Variants in CADPS observed in about 807,000 individuals in gnomAD.
CADPS encodes calcium-dependent secretion activator 1.
CADPS carries 57 observed loss-of-function variants against 167.3 expected under a neutral mutation model. The observed-to-expected ratio is 0.34, with a 90% CI of 0.28 to 0.42. CADPS has a LOEUF of 0.42. Ranked by LOEUF, CADPS falls within the 20% of genes least tolerant of loss-of-function variation. The pLI is 1.00. For missense variants in CADPS, 1,414 were observed against 1,738.1 expected, an observed-to-expected ratio of 0.81 and a Z score of 3.32; for synonymous variants, 676 against 635.3, an observed-to-expected ratio of 1.06 and a Z score of -0.96.
chr3:62,630,888 G>T (rs1040819926), intron 6 of CADPS, among the ~76,000 whole-genome samples: 3 of 152,112 alleles, frequency 2.0e-5, no homozygotes, highest in African/African-American at 7.2e-5. Flanking sequence ...GACAACCAAG[G>T]TTTAGAATTA....
chr3:62,579,056 CTG>C (rs2082878699), intron 8 of CADPS, among the ~76,000 whole-genome samples: 1 of 152,194 alleles, frequency 6.6e-6, no homozygotes. Context: ...GTGTTACAAA[CTG>C]TATTCCTTTT....
chr3:62,413,063 G>T (rs956413940), intron 28 of CADPS, among the ~76,000 whole-genome samples: 1 of 152,066 alleles, frequency 6.6e-6, no homozygotes, highest in African/African-American at 2.4e-5. Context: ...TGCTGGAAAT[G>T]GTGTACCATC....
intron 1 of CADPS, among the ~76,000 whole-genome samples, chr3:62,862,149 A>T (rs1160800542): frequency 6.6e-6 from 1 of 152,098 alleles, no homozygotes; most frequent in African/African-American, 2.4e-5. Context: ...TGACTTCCAA[A>T]CACATATTGA....
chr3:62,474,163 T>TTTTTTTTTTTTTTC lies in CADPS; in HGVS notation c.3477+9_3477+10insGAAAAAAAAAAAAA, dbSNP rs755374403. 7.1e-6 allele frequency: 10 copies of TTTTTTTTTTTTTTC among 1,401,950 alleles called. No homozygotes were observed. The African/African-American group carries it at 1.4e-4, about 20-fold the overall frequency. 86.8% of individuals were successfully genotyped at this position (1,401,950 alleles called of 1,614,324 possible). On this transcript the variant is annotated intron_variant, in intron 24 of 29. Coordinates refer to ENST00000383710, the MANE Select transcript of CADPS (RefSeq NM_003716.4). ...GAAAAAAAAATCTGTATTTTTTTTT[T>TTTTTTTTTTTTTTC]TTTTTTTACCTCTTGGCCCATTTCC...
At chr3:62,536,605 G>A in intron 11 of CADPS, 24 bp from the exon 12 acceptor site, 1 of 1,607,444 alleles carries the variant, frequency 6.2e-7, no homozygotes, top group Non-Finnish European at 8.5e-7. Context: ...CATGTAGAGA[G>A]AGACACAATT....
chr3:62,629,596 G>A (rs2064850889), intron 6 of CADPS, among the ~76,000 whole-genome samples: 1 of 152,152 alleles, frequency 6.6e-6, no homozygotes, highest in South Asian at 2.1e-4. Flanking sequence ...TTCCCACAAA[G>A]TAACCACCAC....
At chr3:62,718,539 T>A (rs1412585636) in intron 3 of CADPS, among the ~76,000 whole-genome samples, 1 of 152,204 alleles carries the variant, frequency 6.6e-6, no homozygotes, top group Non-Finnish European at 1.5e-5. Context: ...AGAATGCCAG[T>A]TGGAGAATCC....
chr3:62,545,447 T>C (rs1396265027), intron 11 of CADPS, among the ~76,000 whole-genome samples: 2 of 152,060 alleles, frequency 1.3e-5, no homozygotes, highest in Admixed American at 6.6e-5. Flanking sequence ...AAACATTGTA[T>C]AGCTAGGTGC....
intron 3 of CADPS, among the ~76,000 whole-genome samples, chr3:62,720,285 A>C (rs1481796905): frequency 6.6e-6 from 1 of 152,078 alleles, no homozygotes; most frequent in Non-Finnish European, 1.5e-5. Context: ...TCAACTTCAC[A>C]AGAATGCAGG....
At chr3:62,523,418 G>A (rs1259419676) in intron 13 of CADPS, among the ~76,000 whole-genome samples, 1 of 152,156 alleles carries the variant, frequency 6.6e-6, no homozygotes, top group Non-Finnish European at 1.5e-5. Context: ...AATGTGTTTT[G>A]TGAAATGAAT....
chr3:62,487,992 G>A (rs377763397), intron 21 of CADPS, among the ~76,000 whole-genome samples: 1 of 151,948 alleles, frequency 6.6e-6, no homozygotes, highest in Non-Finnish European at 1.5e-5. Flanking sequence ...TACTTATAAC[G>A]AGGTGCTTAT....
At position 62,421,401 on chromosome 3, in the gene CADPS, C is replaced by A. The variant is rs2051358467; in HGVS notation, c.3777+16703G>T. On this transcript the variant is annotated intron_variant, in intron 28 of 29. Transcript: ENST00000383710. The surrounding 1 kb of genome is among the most constrained non-coding windows in gnomAD (Gnocchi z 4.7). ...AAGTTGAATGGAGTGTCTTTTGGGA[C>A]CAATTTGTCTCTTTTCACTCTTTAT... Among the ~76,000 whole-genome samples the A allele has an allele frequency of 6.6e-6, 1 of 152,172 alleles. No homozygotes were observed. The highest frequency in any genetic ancestry group is 2.4e-5 in the African/African-American group (1 of 41,454).
At chr3:62,863,781 G>A (rs1396825927) in intron 1 of CADPS, among the ~76,000 whole-genome samples, 1 of 152,188 alleles carries the variant, frequency 6.6e-6, no homozygotes, top group Non-Finnish European at 1.5e-5. Context: ...ATTCTTTGGT[G>A]GTGAGGATGA....
intron 3 of CADPS, among the ~76,000 whole-genome samples, chr3:62,685,550 A>G (rs982205331): frequency 1.3e-5 from 2 of 151,990 alleles, no homozygotes; most frequent in African/African-American, 4.8e-5. Context: ...ATAGCTAGAA[A>G]GTGGTGGAGT....
intron 1 of CADPS, chr3:62,796,480 C>G (rs2093413459): frequency 6.6e-6 from 1 of 152,072 alleles, no homozygotes; most frequent in East Asian, 1.9e-4. Flanking sequence ...TGAATGGCAG[C>G]AATTTGCACC....
At chr3:62,405,142 G>T (rs867124898) in intron 28 of CADPS, among the ~76,000 whole-genome samples, 7 of 150,286 alleles carry the variant, frequency 4.7e-5, no homozygotes, top group Non-Finnish European at 1.0e-4. Flanking sequence ...AATCTGGGGG[G>T]GGGGGGGGCT....
chr3:62,768,333 G>A (rs1202150048), intron 1 of CADPS, among the ~76,000 whole-genome samples: 1 of 152,132 alleles, frequency 6.6e-6, no homozygotes, highest in African/African-American at 2.4e-5. Context: ...TTCTAAAACA[G>A]TGTGAATACC....
chr3:62,723,992 TTC>T (rs2076290631), intron 3 of CADPS, among the ~76,000 whole-genome samples: 1 of 152,210 alleles, frequency 6.6e-6, no homozygotes, highest in South Asian at 2.1e-4. Flanking sequence ...ATGTGGGCAC[TTC>T]TGTGTCCAAG....
chr3:62,441,583 G>A (rs969011497), intron 27 of CADPS, among the ~76,000 whole-genome samples: 1 of 152,164 alleles, frequency 6.6e-6, no homozygotes. Context: ...ATAGTTAAGA[G>A]ACAAATCTCA....
Sources: allele counts gnomAD v4.1 joint callset (sites outside exome capture counted in the v4.1 genomes callset), GRCh38; gene constraint gnomAD v4.1.1; non-coding constraint Gnocchi (gnomAD v3.1); transcripts MANE v1.5; gene names NCBI Gene and HGNC (gene_info 2026-07-23, HGNC 2026-07-21).